The following LAMA1 variants were observed in gnomAD, a reference collection of about 807,000 sequenced individuals.
LAMA1 encodes laminin subunit alpha 1, also known as laminin subunit alpha-1.
Under a neutral mutation model 348.7 loss-of-function variants are expected in LAMA1, and 219 were observed. The ratio of observed to expected loss-of-function variants is 0.63; its 90% CI spans 0.56 to 0.70. The LOEUF is 0.70. Ranked by LOEUF, LAMA1 falls within the 30% of genes least tolerant of loss-of-function variation. The pLI, the probability that LAMA1 is intolerant of heterozygous loss-of-function variation, is 0.00. For synonymous variants in LAMA1, 1,487 were observed against 1,491.0 expected (o/e 1.00, Z 0.06); for missense variants, 3,744 against 3,888.0 (o/e 0.96, Z 0.99).
At chr18:7,004,910 G>A (rs569052719) in intron 29 of LAMA1, among the ~76,000 whole-genome samples, 78 of 152,290 alleles carry the variant, frequency 5.1e-4, no homozygotes, top group African/African-American at 1.6e-3. Context: ...AGAGTTCAAG[G>A]GTCTTGTGTC....
rs138095695 is a variant in LAMA1, at chr18:6,959,394, C to G, written c.7725G>C (p.Thr2575=). ...GCGCTTGTCCATCACTGCAGGTACC[C>G]GTGGGAGCGTGCAGGAGAGCTTTTC... ...GLRKALLHAP[T]GTCSDGQAHS... Residue 2575 remains threonine, a synonymous_variant, in exon 54 of 63, where the codon ACG becomes ACC. Transcript: ENST00000389658. 1 of 1,614,026 alleles carries G rather than the reference C, an allele frequency of 6.2e-7. No homozygotes were observed. Among genetic ancestry groups the G allele is most frequent in the Admixed American group, 1.7e-5 (1 of 59,998 alleles).
chr18:6,978,071 A>G (rs770968664), intron 43 of LAMA1, 125 bp downstream of exon 43: 272 of 1,384,684 alleles, frequency 2.0e-4, no homozygotes, highest in Non-Finnish European at 2.6e-4. Flanking sequence ...AATAAAGGCT[A>G]ATCCAGATGT....
At chr18:6,961,546 T>C in intron 53 of LAMA1, 40 bp downstream of exon 53, 1 of 1,610,588 alleles carries the variant, frequency 6.2e-7, no homozygotes, top group Non-Finnish European at 8.5e-7. Flanking sequence ...CCCGAAGTAA[T>C]TTCCTGAGCT....
At position 7,050,723 on chromosome 18, in the gene LAMA1, A is replaced by G; in HGVS notation, c.559T>C (p.Ser187Pro). The G allele has an allele frequency of 6.2e-7, 1 of 1,614,008 alleles. No homozygotes were observed. The highest frequency in any genetic ancestry group is 1.7e-5 in the Admixed American group (1 of 60,010). ...CCATGCTCAAGTGGCACCAATCTGG[A>G]ATAATAGGAGGTGCAGATCACTTCA... ...DDEVICTSYY[S>P]RLVPLEHGEI... Residue 187 changes from serine to proline, a missense_variant, in exon 4 of 63, where the codon TCC becomes CCC. Physicochemically the swap from Ser to Pro is moderately conservative, Grantham distance 74. Around this residue, in one of 3 missense-constraint regions of LAMA1, gnomAD observed 1,529 missense variants for 1,689.4 expected, o/e 0.91. Coordinates refer to ENST00000389658, the MANE Select transcript of LAMA1 (RefSeq NM_005559.4).
At chr18:7,025,358 T>C (rs1401467936) in intron 17 of LAMA1, among the ~76,000 whole-genome samples, 1 of 152,170 alleles carries the variant, frequency 6.6e-6, no homozygotes, top group Non-Finnish European at 1.5e-5. Flanking sequence ...CCTGCAAATC[T>C]GAGAGAAGAG....
intron 36 of LAMA1, among the ~76,000 whole-genome samples, chr18:6,988,859 G>A (rs2057746923): frequency 6.7e-6 from 1 of 149,980 alleles, no homozygotes; most frequent in South Asian, 2.1e-4. Context: ...ATACCAGCAT[G>A]GAAATCATTT....
chr18:7,038,324 C>G (rs1412470140), intron 11 of LAMA1, among the ~76,000 whole-genome samples: 2 of 152,154 alleles, frequency 1.3e-5, no homozygotes, highest in Non-Finnish European at 2.9e-5. Context: ...CCCTGTTGAA[C>G]CCATCACCCC....
At position 6,999,556 on chromosome 18, in the gene LAMA1, G is replaced by A. The variant is rs773178213; in HGVS notation, c.4552C>T (p.His1518Tyr). The change falls in exon 32 of 63, where the codon CAC (histidine) becomes TAC (tyrosine). Residue 1518 changes from histidine (H) to tyrosine (Y), a missense_variant. His to Tyr is a moderately conservative substitution (Grantham distance 83). Around this residue, in one of 3 missense-constraint regions of LAMA1, gnomAD observed 1,983 missense variants for 1,934.3 expected, o/e 1.03. Transcript: ENST00000389658. ...CCAGATGTGCGGTCACAGTCACCGT[G>A]GACAGAGCCGTGCGGGTTGCAGTCA... is the stretch of plus-strand genomic sequence containing the variant. ...KCDCNPHGSVHGDCDRTSGQC... is the reference protein window; with the variant it reads ...KCDCNPHGSVYGDCDRTSGQC... The A allele has an allele frequency of 6.2e-6, 10 of 1,613,984 alleles. No homozygotes were observed. The African/African-American group carries it at 1.1e-4, about 17-fold the overall frequency.
At chr18:7,077,006 A>G (rs2058170910) in intron 3 of LAMA1, 1 of 151,900 alleles carries the variant, frequency 6.6e-6, no homozygotes, top group South Asian at 2.1e-4. Flanking sequence ...GAAAGGCTTG[A>G]TCAGATATAA....
intron 24 of LAMA1, 88 bp from the exon 25 acceptor site, chr18:7,011,567 GA>G: frequency 5.8e-6 from 7 of 1,200,012 alleles, no homozygotes; most frequent in Non-Finnish European, 8.5e-6. Context: ...TTGTTTCACA[GA>G]TGAAACAGCT....
At chr18:7,108,321 G>A (rs1156526966) in intron 1 of LAMA1, among the ~76,000 whole-genome samples, 1 of 151,590 alleles carries the variant, frequency 6.6e-6, no homozygotes, top group Non-Finnish European at 1.5e-5. Flanking sequence ...TTCAGCCTAG[G>A]CAACAGAGCG....
Position 6,966,198 on chromosome 18 carries a change from A to C in LAMA1, c.6999T>G (p.Phe2333Leu). ...GAAGTCCATTAGGTGAAAAGGTATT[A>C]AAAAGCATGATTATCTGGGTCACGG... ...PATVTQIIML[F>L]NTFSPNGLLL... Residue 2333 changes from phenylalanine (F) to leucine (L), a missense_variant, in exon 49 of 63, where the codon TTT (phenylalanine) becomes TTG (leucine). Coordinates refer to ENST00000389658, the MANE Select transcript of LAMA1 (RefSeq NM_005559.4). 6.2e-7 allele frequency: 1 copy of C among 1,614,156 alleles called. No homozygotes were observed. Among genetic ancestry groups the C allele is most frequent in the Non-Finnish European group, 8.5e-7 (1 of 1,180,012 alleles).
At chr18:7,076,531 C>CT (rs2058169005) in intron 3 of LAMA1, among the ~76,000 whole-genome samples, 1 of 152,058 alleles carries the variant, frequency 6.6e-6, no homozygotes, top group South Asian at 2.1e-4. Flanking sequence ...GTGGCATATT[C>CT]TACAGGACAA....
At chr18:7,010,681 T>A (rs1047744356) in intron 25 of LAMA1, among the ~76,000 whole-genome samples, 4 of 152,210 alleles carry the variant, frequency 2.6e-5, no homozygotes, top group East Asian at 1.9e-4. Flanking sequence ...AATTTCTCTA[T>A]CTCCAGGAGC....
Position 7,013,838 on chromosome 18 carries a change from C to T in LAMA1, c.3340G>A (p.Glu1114Lys). Residue 1114 changes from glutamate (E) to lysine (K), a missense_variant, in exon 23 of 63, where the codon GAA becomes AAA. Glu to Lys is a moderately conservative substitution (Grantham distance 56). Around this residue, in one of 3 missense-constraint regions of LAMA1, gnomAD observed 1,529 missense variants for 1,689.4 expected, o/e 0.91. Coordinates refer to ENST00000389658, the MANE Select transcript of LAMA1 (RefSeq NM_005559.4). The stretch of plus-strand genomic sequence containing the variant: ...ACCTTGCAAGGGCAGGCCCCGGTTT[C>T]CTCCACACAGCCGCAGAGACCCTGC... ...LEQGLCGCVEETGACPCKENV... is the reference protein window; with the variant it reads ...LEQGLCGCVEKTGACPCKENV... The T allele has an allele frequency of 6.2e-7, 1 of 1,611,610 alleles. No individual in the cohort carries two copies. The highest frequency in any genetic ancestry group is 1.1e-5 in the South Asian group (1 of 90,562).
Position 7,034,571 on chromosome 18 carries a change from C to T in LAMA1, c.1959G>A (p.Gln653=), listed in dbSNP as rs768999104. The part of the protein sequence containing the change: ...ENFQDFHSKR[Q]IDRDQLMTVL... ...CAGTCATCAGCTGGTCACGATCAAT[C>T]TGCCTTTTGCTGTGAAAATCTTGGA... Residue 653 remains glutamine (Q), a synonymous_variant, in exon 14 of 63, where the codon CAG becomes CAA. Coordinates refer to ENST00000389658, the MANE Select transcript of LAMA1 (RefSeq NM_005559.4). 2.4e-5 allele frequency: 38 copies of T among 1,614,028 alleles called. No individual in the cohort carries two copies. The highest frequency in any genetic ancestry group is 3.1e-5 in the Non-Finnish European group (36 of 1,180,038).
intron 46 of LAMA1, among the ~76,000 whole-genome samples, chr18:6,973,763 T>C (rs1483697051): frequency 6.6e-6 from 1 of 152,220 alleles, no homozygotes; most frequent in African/African-American, 2.4e-5. Context: ...ACGTAGACTT[T>C]CTAAAAGTAA....
In LAMA1 at chr18:7,046,387, T is replaced by A. The variant is rs887544163; in HGVS notation, c.769-20A>T. On this transcript the variant is annotated intron_variant, in intron 5 of 62. Transcript: ENST00000389658. ...ATAATACTAAGGAAAAAGAAAGTTA[T>A]GAACAAAAATTAAAACCTAGATTTC... The A allele has an allele frequency of 1.4e-6, 2 of 1,440,634 alleles. No homozygotes were observed. The highest frequency in any genetic ancestry group is 1.9e-6 in the Non-Finnish European group (2 of 1,026,962). 89.2% of individuals were successfully genotyped at this position (1,440,634 alleles called of 1,614,324 possible).
chr18:6,981,146 C>G (rs181516055), intron 41 of LAMA1, among the ~76,000 whole-genome samples: 6 of 151,996 alleles, frequency 3.9e-5, no homozygotes, highest in African/African-American at 1.4e-4. Context: ...CTAGCTTGCT[C>G]GATCATTTTC....
Sources: gnomAD v4.1 joint callset for allele counts (sites outside exome capture counted in the v4.1 genomes callset) on GRCh38, gnomAD v4.1.1 for gene constraint, gnomAD v4.1.1 regional missense constraint, MANE v1.5 for transcripts, NCBI Gene and HGNC (gene_info 2026-07-23, HGNC 2026-07-21) for gene names.